The following MNS1 variants were observed in gnomAD, a reference collection of about 807,000 sequenced individuals.
MNS1 encodes the protein meiosis-specific nuclear structural protein 1.
MNS1 carries 63 observed loss-of-function variants against 72.0 expected under a neutral mutation model. The observed-to-expected ratio is 0.87, with a 90% CI of 0.71 to 1.08. The LOEUF (loss-of-function observed/expected upper bound fraction) is 1.08. Ranked by LOEUF, MNS1 falls within the 50% of genes least tolerant of loss-of-function variation. The pLI, the probability that MNS1 is intolerant of heterozygous loss-of-function variation, is 0.00. For synonymous variants in MNS1, 188 were observed against 172.1 expected, an observed-to-expected ratio of 1.09 and a Z score of -0.72; for missense variants, 604 against 562.4, an observed-to-expected ratio of 1.07 and a Z score of -0.75.
intron 3 of MNS1, among the ~76,000 whole-genome samples, chr15:56,455,519 C>T (rs1426151592): frequency 6.6e-6 from 1 of 152,106 alleles, no homozygotes; most frequent in Admixed American, 6.6e-5. Flanking sequence ...TACAGACGTC[C>T]TGCTCAATTA....
At chr15:56,445,479 GA>G (rs1259188437) in intron 4 of MNS1, among the ~76,000 whole-genome samples, 1 of 151,966 alleles carries the variant, frequency 6.6e-6, no homozygotes, top group African/African-American at 2.4e-5. Flanking sequence ...ATTAAAATAT[GA>G]ATACTGAATG....
chr15:56,465,122 C>T lies in MNS1; in HGVS notation c.-150G>A. 9.9e-7 allele frequency: 1 copy of T among 1,014,570 alleles called. No individual in the cohort carries two copies. 62.8% of individuals were successfully genotyped at this position (1,014,570 alleles called of 1,614,324 possible). A position where few individuals can be genotyped will look rare whatever the true frequency, so the allele number is the denominator to read the frequency against. On this transcript the variant is annotated 5_prime_UTR_variant, in exon 1 of 10. Transcript: ENST00000260453. ...TGGCAACGGTGGAGCTGCGCGCCCT[C>T]CGCTCGACCAAAAGTGACCCACGCA... is the stretch of plus-strand genomic sequence containing the variant.
At position 56,429,137 on chromosome 15, in the gene MNS1, T is replaced by C. The variant is rs1053331225; in HGVS notation, c.1452A>G (p.Val484=). 8.7e-6 allele frequency: 14 copies of C among 1,602,818 alleles called. No individual in the cohort carries two copies. Among genetic ancestry groups the C allele is most frequent in the African/African-American group, 4.0e-5 (3 of 74,282 alleles). ...CACAAATTTCACTCCTTTGTTGATA[T>C]ACTTTCCTGAACTCTTCACCAAGCA... The part of the protein sequence containing the change: ...IDLLGEEFRK[V]YQQRSEICEE... The change falls in exon 10 of 10, where the codon GTA becomes GTG. Residue 484 remains valine, a synonymous_variant. Coordinates refer to ENST00000260453, the MANE Select transcript of MNS1 (RefSeq NM_018365.4).
In MNS1 at chr15:56,431,466, T is replaced by G; in HGVS notation, c.1302A>C (p.Gln434His). ...TTGCATTAATAAATCCTTGCCGCCTTTGCTGCAACTGCCACTCTTCTAGTT... is the reference window on the plus strand; with the variant it reads ...TTGCATTAATAAATCCTTGCCGCCTGTGCTGCAACTGCCACTCTTCTAGTT... ...QRELEEWQLQ[Q>H]RRQGFINAII... The change falls in exon 9 of 10, where the codon CAA becomes CAC. Residue 434 changes from glutamine to histidine, a missense_variant. Gln to His is a conservative substitution (Grantham distance 24). Coordinates refer to ENST00000260453, the MANE Select transcript of MNS1 (RefSeq NM_018365.4). The G allele has an allele frequency of 1.2e-6, 2 of 1,613,640 alleles. No individual in the cohort carries two copies. The highest frequency in any genetic ancestry group is 1.7e-6 in the Non-Finnish European group (2 of 1,179,882).
intron 8 of MNS1, among the ~76,000 whole-genome samples, chr15:56,432,487 A>C (rs2050621727): frequency 6.6e-6 from 1 of 152,200 alleles, no homozygotes; most frequent in South Asian, 2.1e-4. Context: ...AATGAGTTTC[A>C]TCACGAAGAT....
intron 4 of MNS1, 100 bp downstream of exon 4, chr15:56,446,741 A>G: frequency 1.3e-6 from 1 of 763,180 alleles, no homozygotes; most frequent in Non-Finnish European, 2.1e-6. Context: ...GAAATCTAGC[A>G]GTGTAAATTC....
intron 7 of MNS1, among the ~76,000 whole-genome samples, chr15:56,438,894 T>C (rs1177235614): frequency 6.6e-6 from 1 of 151,982 alleles, no homozygotes; most frequent in Non-Finnish European, 1.5e-5. Context: ...ACAGGAAAGG[T>C]GATGTCTACT....
chr15:56,431,549 G>A (rs769925887), intron 8 of MNS1, 51 bp from the exon 9 acceptor site: 48 of 1,594,026 alleles, frequency 3.0e-5, no homozygotes, highest in Admixed American at 2.2e-4. Flanking sequence ...AATCTTATAC[G>A]AAGTTTTCAA....
At chr15:56,455,589 G>A (rs2050976836) in intron 3 of MNS1, among the ~76,000 whole-genome samples, 1 of 152,128 alleles carries the variant, frequency 6.6e-6, no homozygotes, top group Non-Finnish European at 1.5e-5. Context: ...ATAAGTATAT[G>A]ATTAGCATTT....
chr15:56,432,129 G>C (rs1338129684), intron 8 of MNS1, among the ~76,000 whole-genome samples: 5 of 152,140 alleles, frequency 3.3e-5, no homozygotes, highest in Non-Finnish European at 7.4e-5. Flanking sequence ...GGAGATACAG[G>C]AAAGTTCTGT....
At chr15:56,453,800 T>C (rs2140373039) in intron 3 of MNS1, among the ~76,000 whole-genome samples, 2 of 152,288 alleles carry the variant, frequency 1.3e-5, no homozygotes, top group East Asian at 3.9e-4. Context: ...CCAAAATCAA[T>C]TAACAGGAGT....
At chr15:56,456,344 G>C (rs779857786) in intron 3 of MNS1, 50 bp downstream of exon 3, 3 of 1,535,562 alleles carry the variant, frequency 2.0e-6, no homozygotes, top group South Asian at 1.3e-5. Flanking sequence ...GATTACATAA[G>C]AGTTTAAAGA....
At position 56,464,077 on chromosome 15, in the gene MNS1, T is replaced by C. The variant is rs773469668; in HGVS notation, c.174A>G (p.Arg58=). 1 of 1,613,934 alleles carries C rather than the reference T, an allele frequency of 6.2e-7. No homozygotes were observed. Among genetic ancestry groups the C allele is most frequent in the African/African-American group, 1.3e-5 (1 of 74,916 alleles). Residue 58 remains arginine (R), a synonymous_variant, in exon 2 of 10, where the codon AGA becomes AGG. Coordinates refer to ENST00000260453, the MANE Select transcript of MNS1 (RefSeq NM_018365.4). ...ACTCAAATTGTTCATTTTGTAATAATCTGAGAAATTGCTTGCGCTGAACAC... is the reference window on the plus strand; with the variant it reads ...ACTCAAATTGTTCATTTTGTAATAACCTGAGAAATTGCTTGCGCTGAACAC... ...DNRVQRKQFL[R]LLQNEQFELD...
chr15:56,438,012 A>T (rs2050757701), intron 7 of MNS1, among the ~76,000 whole-genome samples: 1 of 152,228 alleles, frequency 6.6e-6, no homozygotes, highest in Admixed American at 6.5e-5. Flanking sequence ...GATAGGAAGA[A>T]TCAATATCGT....
At position 56,460,272 on chromosome 15, in the gene MNS1, G is replaced by A. The variant is rs1596269122; in HGVS notation, c.226-3751C>T. ...ATGAGAAAGGGTAATGATCTTGAGG[G>A]GTCTTATCTCTGGTGTCTTTCCTAA... On this transcript the variant is annotated intron_variant, in intron 2 of 9. Transcript: ENST00000260453. Among the ~76,000 whole-genome samples the A allele has an allele frequency of 6.6e-5, 10 of 151,712 alleles. No homozygotes were observed. The South Asian group carries it at 2.1e-3, about 32-fold the overall frequency.
intron 2 of MNS1, chr15:56,463,703 AC>A (rs1733033138): frequency 4.6e-6 from 1 of 215,538 alleles, no homozygotes; most frequent in Admixed American, 5.4e-5. Context: ...AATCGCTTGA[AC>A]CCCGGAGGCA....
At chr15:56,455,271 A>C (rs1189946796) in intron 3 of MNS1, among the ~76,000 whole-genome samples, 2 of 127,412 alleles carry the variant, frequency 1.6e-5, no homozygotes, top group African/African-American at 2.9e-5. Flanking sequence ...AAAAAAAAAA[A>C]CCATGAGTAA....
At chr15:56,460,146 T>C in intron 2 of MNS1, among the ~76,000 whole-genome samples, 1 of 150,152 alleles carries the variant, frequency 6.7e-6, no homozygotes, top group Non-Finnish European at 1.5e-5. Context: ...TTCACTTATA[T>C]AGGCAGAGAC....
chr15:56,460,005 A>ATATATATATATAT (rs1374166252), intron 2 of MNS1, among the ~76,000 whole-genome samples: 16 of 30,504 alleles, frequency 5.2e-4, no homozygotes, highest in African/African-American at 1.9e-3. Flanking sequence ...AAAAAAAAAA[A>ATATATATATATAT]AAAAATACAT....
Sources: gnomAD v4.1 joint callset for allele counts (sites outside exome capture counted in the v4.1 genomes callset) on GRCh38, gnomAD v4.1.1 for gene constraint, MANE v1.5 for transcripts, NCBI Gene and HGNC (gene_info 2026-07-23, HGNC 2026-07-21) for gene names.